SETBP1: variants seen among roughly 807,000 people sequenced by gnomAD.
SETBP1 encodes SET-binding protein.
A neutral mutation model predicts 101.0 loss-of-function variants in SETBP1; 9 were observed. The ratio of observed to expected loss-of-function variants is 0.09; its 90% confidence interval spans 0.05 to 0.16. The LOEUF is 0.16. SETBP1 is among the 10% of genes least tolerant of loss of function. The pLI is 1.00. For missense variants in SETBP1, 1,858 were observed against 2,033.8 expected, an observed-to-expected ratio of 0.91 and a Z score of 1.66; for synonymous variants, 818 against 788.5, an observed-to-expected ratio of 1.04 and a Z score of -0.63.
At chr18:44,763,171 T>A (rs1416031613) in intron 2 of SETBP1, among the ~76,000 whole-genome samples, 3 of 152,166 alleles carry the variant, frequency 2.0e-5, no homozygotes, top group Non-Finnish European at 4.4e-5. Flanking sequence ...AGTCCATAAG[T>A]AAAACATCAT....
At position 44,950,005 on chromosome 18, in the gene SETBP1, G is replaced by T. The variant is rs761385178; in HGVS notation, c.665G>T (p.Trp222Leu). ...QKSSSQNHMDWSTNSDSGPVT... is the reference protein window; with the variant it reads ...QKSSSQNHMDLSTNSDSGPVT... Reference sequence around the variant, plus strand: ...AGCAGCAGCCAGAACCACATGGACTGGTCCACCAACTCTGACAGCGGACCC... The same window carrying T: ...AGCAGCAGCCAGAACCACATGGACTTGTCCACCAACTCTGACAGCGGACCC... Residue 222 changes from tryptophan to leucine, a missense_variant, in exon 4 of 6, where the codon TGG becomes TTG. Around this residue, in one of 12 missense-constraint regions of SETBP1, gnomAD observed 581 missense variants for 535.1 expected, o/e 1.09. Transcript: ENST00000649279. The T allele has an allele frequency of 2.5e-6, 4 of 1,614,162 alleles. No homozygotes were observed. Among genetic ancestry groups the T allele is most frequent in the Non-Finnish European group, 3.4e-6 (4 of 1,180,016 alleles).
At position 45,063,101 on chromosome 18, in the gene SETBP1, G is replaced by T. The variant is rs765472462; in HGVS notation, c.4194G>T (p.Arg1398Ser). 1 of 1,613,850 alleles carries T rather than the reference G, an allele frequency of 6.2e-7. No homozygotes were observed. The highest frequency in any genetic ancestry group is 8.5e-7 in the Non-Finnish European group (1 of 1,180,002). The change falls in exon 6 of 6, where the codon AGG becomes AGT. Residue 1398 changes from arginine to serine, a missense_variant. Physicochemically the swap from Arg to Ser is moderately radical, Grantham distance 110. Transcript: ENST00000649279. ...CAGTCGGCTCCTCCCTGAAGAAGAG[G>T]TTCAAGCGGCGGGAGATCGAAGCCA... ...SDAVGSSLKK[R>S]FKRREIEAIQ...
At chr18:44,771,704 A>G (rs1285913501) in intron 2 of SETBP1, among the ~76,000 whole-genome samples, 2 of 152,136 alleles carry the variant, frequency 1.3e-5, no homozygotes, top group African/African-American at 2.4e-5. Flanking sequence ...CAGAAGGTGG[A>G]GGCAGGGTTG....
chr18:45,020,803 G>C (rs1179407422), intron 4 of SETBP1, among the ~76,000 whole-genome samples: 1 of 152,132 alleles, frequency 6.6e-6, no homozygotes, highest in African/African-American at 2.4e-5. Flanking sequence ...TGTCCAGCAT[G>C]GTCTGTAAAT....
chr18:44,708,927 C>T (rs1662534416), intron 2 of SETBP1, among the ~76,000 whole-genome samples: 1 of 152,146 alleles, frequency 6.6e-6, no homozygotes, highest in South Asian at 2.1e-4. Flanking sequence ...TGTTTGGACC[C>T]ACTGTTCCGT....
At chr18:45,033,113 T>C (rs1424251376) in intron 4 of SETBP1, among the ~76,000 whole-genome samples, 1 of 152,170 alleles carries the variant, frequency 6.6e-6, no homozygotes, top group Non-Finnish European at 1.5e-5. Flanking sequence ...TGAAGTTCAT[T>C]TGCAAACAAG....
At chr18:44,683,537 C>T (rs1385001955) in intron 1 of SETBP1, among the ~76,000 whole-genome samples, 1 of 152,216 alleles carries the variant, frequency 6.6e-6, no homozygotes, top group Non-Finnish European at 1.5e-5. Flanking sequence ...TTGTCTGGCA[C>T]AAAAGTGTAC....
chr18:44,749,956 G>A (rs913447163), intron 2 of SETBP1, among the ~76,000 whole-genome samples: 1 of 152,056 alleles, frequency 6.6e-6, no homozygotes, highest in Non-Finnish European at 1.5e-5. Context: ...GGCTGGGTGG[G>A]AGCAGGGTGG....
intron 2 of SETBP1, among the ~76,000 whole-genome samples, chr18:44,819,653 AT>A (rs2072062496): frequency 6.6e-6 from 1 of 152,058 alleles, no homozygotes; most frequent in Admixed American, 6.5e-5. Context: ...GTGACTGCAT[AT>A]TTAGCATCTT....
At chr18:45,042,924 G>C (rs528260999) in intron 5 of SETBP1, among the ~76,000 whole-genome samples, 11 of 152,254 alleles carry the variant, frequency 7.2e-5, no homozygotes, top group African/African-American at 2.6e-4. Context: ...GCAGTCCCCT[G>C]GTGCAGCCAA....
At chr18:44,730,639 C>T (rs1395909581) in intron 2 of SETBP1, among the ~76,000 whole-genome samples, 1 of 152,188 alleles carries the variant, frequency 6.6e-6, no homozygotes, top group African/African-American at 2.4e-5. Context: ...TGTGCCTGTC[C>T]TCTTTTTCAG....
intron 1 of SETBP1, among the ~76,000 whole-genome samples, chr18:44,695,689 G>A (rs988632614): frequency 6.6e-6 from 1 of 152,184 alleles, no homozygotes; most frequent in Admixed American, 6.5e-5. Flanking sequence ...GAATGAAGCC[G>A]AGTACTCTTC....
chr18:44,694,680 T>C (rs2068986206), intron 1 of SETBP1, among the ~76,000 whole-genome samples: 1 of 152,126 alleles, frequency 6.6e-6, no homozygotes, highest in South Asian at 2.1e-4. Context: ...GAGGAGGATG[T>C]GACTGGCTTC....
chr18:44,990,093 G>A (rs556204836), intron 4 of SETBP1, among the ~76,000 whole-genome samples: 2 of 151,712 alleles, frequency 1.3e-5, no homozygotes, highest in African/African-American at 4.8e-5. Flanking sequence ...GAAACATCCA[G>A]AGCAATATCA....
chr18:44,932,425 G>A (rs1017060475), intron 3 of SETBP1, among the ~76,000 whole-genome samples: 1 of 152,148 alleles, frequency 6.6e-6, no homozygotes, highest in South Asian at 2.1e-4. Context: ...TCTTGGAGTT[G>A]CTCTTCTCGA....
intron 4 of SETBP1, among the ~76,000 whole-genome samples, chr18:45,018,445 G>A (rs2072993781): frequency 6.6e-6 from 1 of 152,154 alleles, no homozygotes; most frequent in African/African-American, 2.4e-5. Flanking sequence ...TGTTGATCAT[G>A]TGACCTCTCA....
At position 44,764,536 on chromosome 18, in the gene SETBP1, G is replaced by T. The variant is rs568290801; in HGVS notation, c.486+62704G>T. The stretch of plus-strand genomic sequence containing the variant: ...CACCCAGGCTGGAGTGCAGTGGTGC[G>T]ATCTCGGCTCATTGCAAGCTCCGCC... On this transcript the variant is annotated intron_variant, in intron 2 of 5. Transcript: ENST00000649279. Among the ~76,000 whole-genome samples, 18 of 151,990 alleles carry T rather than the reference G, an allele frequency of 1.2e-4. No homozygotes were observed. The South Asian group carries it at 3.5e-3, about 30-fold the overall frequency.
intron 3 of SETBP1, among the ~76,000 whole-genome samples, chr18:44,924,142 G>C (rs923058169): frequency 6.6e-6 from 1 of 152,190 alleles, no homozygotes; most frequent in African/African-American, 2.4e-5. Flanking sequence ...GGACCCTTGA[G>C]ACTGTGGCTT....
At chr18:44,814,053 A>G (rs9948216) in intron 2 of SETBP1, among the ~76,000 whole-genome samples, 6,711 of 152,228 alleles carry the variant, frequency 0.044, 483 homozygotes, top group African/African-American at 0.15. Context: ...AATCTAGTGG[A>G]GGACCCAGGC....
Sources: gnomAD v4.1 joint callset for allele counts (sites outside exome capture counted in the v4.1 genomes callset) on GRCh38, gnomAD v4.1.1 for gene constraint, gnomAD v4.1.1 regional missense constraint, MANE v1.5 for transcripts, NCBI Gene and HGNC (gene_info 2026-07-23, HGNC 2026-07-21) for gene names.